Variants in MEIS1 observed in about 807,000 individuals in gnomAD.
MEIS1 encodes homeobox protein Meis1.
In MEIS1, 5 loss-of-function variants were observed where a neutral mutation model predicts 50.8. That is an observed-to-expected ratio of 0.10 (90% CI 0.05 to 0.21). The LOEUF (loss-of-function observed/expected upper bound fraction) is 0.21. Ranked by LOEUF, MEIS1 falls within the 10% of genes least tolerant of loss-of-function variation. The pLI is 1.00. For synonymous variants in MEIS1, 176 were observed against 179.3 expected, an observed-to-expected ratio of 0.98 and a Z score of 0.15; for missense variants, 318 against 517.3, an observed-to-expected ratio of 0.61 and a Z score of 3.74.
At position 66,571,506 on chromosome 2, in the gene MEIS1, G is replaced by C. The variant is rs962270306; in HGVS notation, c.*298G>C. ...AGGAGACCCAACAATGAGTGGACAA[G>C]TCATGGACATTCATGCTCAGTAGCT... On this transcript the variant is annotated 3_prime_UTR_variant, in exon 13 of 13. Coordinates refer to ENST00000272369, the MANE Select transcript of MEIS1 (RefSeq NM_002398.3). 2.5e-6 allele frequency: 4 copies of C among 1,576,278 alleles called. No homozygotes were observed. The highest frequency in any genetic ancestry group is 3.4e-6 in the Non-Finnish European group (4 of 1,161,566).
intron 7 of MEIS1, among the ~76,000 whole-genome samples, chr2:66,491,875 C>T (rs1673282991): frequency 6.6e-6 from 1 of 151,944 alleles, no homozygotes; most frequent in African/African-American, 2.4e-5. Context: ...CAGCTGCACC[C>T]AGAAAATTAT....
intron 8 of MEIS1, among the ~76,000 whole-genome samples, chr2:66,545,346 C>T (rs985254288): frequency 6.6e-6 from 1 of 152,138 alleles, no homozygotes; most frequent in Non-Finnish European, 1.5e-5. Flanking sequence ...CTTTATATGA[C>T]ACATAGTGCC....
chr2:66,524,698 A>T (rs369013682), intron 8 of MEIS1, among the ~76,000 whole-genome samples: 1 of 152,002 alleles, frequency 6.6e-6, no homozygotes, highest in Non-Finnish European at 1.5e-5. Flanking sequence ...AAGCCTTTAA[A>T]TTTTTTTTCA....
intron 9 of MEIS1, among the ~76,000 whole-genome samples, chr2:66,557,092 G>A (rs1407068860): frequency 2.0e-5 from 3 of 152,034 alleles, no homozygotes; most frequent in Non-Finnish European, 4.4e-5. Context: ...GTGTCAAAAG[G>A]GAGCATGGAT....
At chr2:66,463,475 G>A (rs1441709527) in intron 6 of MEIS1, among the ~76,000 whole-genome samples, 2 of 152,142 alleles carry the variant, frequency 1.3e-5, no homozygotes, top group Non-Finnish European at 2.9e-5. Context: ...CCAGTGATAA[G>A]AAGCAACATC....
chr2:66,516,359 C>T (rs956930584), intron 8 of MEIS1, among the ~76,000 whole-genome samples: 10 of 152,058 alleles, frequency 6.6e-5, no homozygotes, highest in Non-Finnish European at 1.0e-4. Context: ...ATTGACCAGT[C>T]GGAATGGTGA....
chr2:66,483,310 C>A (rs1673063690), intron 7 of MEIS1, among the ~76,000 whole-genome samples: 1 of 151,110 alleles, frequency 6.6e-6, no homozygotes, highest in African/African-American at 2.4e-5. Flanking sequence ...TGAGCTCAAG[C>A]TATCCTCCTG....
In MEIS1 at chr2:66,532,306, C is replaced by T. The variant is rs117194962; in HGVS notation, c.889-15637C>T. ...TTTCTTATCCCTGAAATCACATGAACAGCACTTTCCTCCCTCATTTATAAT... is the reference window on the plus strand; with the variant it reads ...TTTCTTATCCCTGAAATCACATGAATAGCACTTTCCTCCCTCATTTATAAT... On this transcript the variant is annotated intron_variant, in intron 8 of 12. Transcript: ENST00000272369. Among the ~76,000 whole-genome samples, 69 of 152,220 alleles carry T rather than the reference C, an allele frequency of 4.5e-4. No homozygotes were observed. In the East Asian group the frequency reaches 0.013, roughly 28 times the overall value.
chr2:66,556,144 T>C (rs989263337), intron 9 of MEIS1, among the ~76,000 whole-genome samples: 1 of 152,204 alleles, frequency 6.6e-6, no homozygotes, highest in African/African-American at 2.4e-5. Context: ...AAATCATTAA[T>C]ATTTTCCTGT....
intron 7 of MEIS1, among the ~76,000 whole-genome samples, chr2:66,498,731 C>A (rs141329621): frequency 1.3e-5 from 2 of 152,266 alleles, no homozygotes; most frequent in African/African-American, 4.8e-5. Flanking sequence ...TTCATGTGCA[C>A]CCAGCACACT....
chr2:66,467,418 G>A (rs1000395795), intron 7 of MEIS1, among the ~76,000 whole-genome samples: 1 of 152,078 alleles, frequency 6.6e-6, no homozygotes, highest in Admixed American at 6.5e-5. Context: ...CCCACATGGT[G>A]AAATCCCATC....
chr2:66,543,865 G>T (rs923327244), intron 8 of MEIS1, among the ~76,000 whole-genome samples: 2 of 152,176 alleles, frequency 1.3e-5, no homozygotes, highest in Non-Finnish European at 2.9e-5. Context: ...ACAAAGGCGA[G>T]GTCTCCCTCA....
intron 7 of MEIS1, among the ~76,000 whole-genome samples, chr2:66,494,653 A>G (rs1673354365): frequency 6.6e-6 from 1 of 152,234 alleles, no homozygotes. Flanking sequence ...AGGATCCCGG[A>G]GGAAGTTCTC....
At chr2:66,548,119 T>A in intron 9 of MEIS1, 100 bp downstream of exon 9, 1 of 1,107,934 alleles carries the variant, frequency 9.0e-7, no homozygotes. Flanking sequence ...TTGCCACTGC[T>A]TTCCCTGGTG....
chr2:66,473,397 A>AAAAAAAAAAAATATAT, intron 7 of MEIS1, among the ~76,000 whole-genome samples: 5 of 107,594 alleles, frequency 4.6e-5, no homozygotes, highest in African/African-American at 2.9e-4. Context: ...AAAAAAAAAA[A>AAAAAAAAAAAATATAT]ATATATATAT....
intron 7 of MEIS1, among the ~76,000 whole-genome samples, chr2:66,505,254 A>G (rs900633125): frequency 1.3e-5 from 2 of 152,134 alleles, no homozygotes; most frequent in Non-Finnish European, 2.9e-5. Context: ...GTCTCTACCA[A>G]AAATTAGCTG....
chr2:66,536,480 G>A (rs996370485), intron 8 of MEIS1, among the ~76,000 whole-genome samples: 9 of 152,280 alleles, frequency 5.9e-5, no homozygotes, highest in Admixed American at 3.3e-4. Context: ...GCAATGCAAA[G>A]CATGTTTTAC....
intron 7 of MEIS1, among the ~76,000 whole-genome samples, chr2:66,486,611 A>G (rs1673148782): frequency 6.6e-6 from 1 of 152,176 alleles, no homozygotes; most frequent in Non-Finnish European, 1.5e-5. Flanking sequence ...GAAATTTAAA[A>G]TAGTTTTCTT....
At chr2:66,558,279 CAAAAAAAA>C (rs59017279) in intron 9 of MEIS1, among the ~76,000 whole-genome samples, 39 of 57,090 alleles carry the variant, frequency 6.8e-4, no homozygotes, top group East Asian at 2.9e-3. Flanking sequence ...AACTCCATCT[CAAAAAAAA>C]AAAAAAAAAA....
Sources: allele counts gnomAD v4.1 joint callset (sites outside exome capture counted in the v4.1 genomes callset), GRCh38; gene constraint gnomAD v4.1.1; transcripts MANE v1.5; gene names NCBI Gene and HGNC (gene_info 2026-07-23, HGNC 2026-07-21).